Variants in DIPK2A observed in about 807,000 individuals in gnomAD.
DIPK2A encodes Golgi Protein of 49 kDa.
In DIPK2A, 27 loss-of-function variants were observed where a neutral mutation model predicts 39.0. The observed-to-expected ratio is 0.69, with a 90% CI of 0.51 to 0.96. The LOEUF is 0.96. Among genes scored for constraint, DIPK2A ranks in the 40% least tolerant of loss-of-function variants. The pLI, the probability that DIPK2A is intolerant of heterozygous loss-of-function variation, is 0.00. For missense variants in DIPK2A, 528 were observed against 571.3 expected (o/e 0.92, Z 0.77); for synonymous variants, 298 against 240.8 (o/e 1.24, Z -2.20).
intron 1 of DIPK2A, among the ~76,000 whole-genome samples, chr3:143,979,935 A>G (rs146078292): frequency 1.3e-5 from 2 of 152,218 alleles, no homozygotes; most frequent in African/African-American, 4.8e-5. Flanking sequence ...TAAATGGGAC[A>G]TATGCTAGGA....
At position 143,972,681 on chromosome 3, in the gene DIPK2A, G is replaced by A. The variant is rs745537687; in HGVS notation, c.349G>A (p.Glu117Lys). Reference protein sequence around the residue: ...VVLKRLGSQRELAQLDQSICK... With the variant: ...VVLKRLGSQRKLAQLDQSICK... Reference sequence around the variant, plus strand: ...GCTCAAGCGCCTCGGCTCGCAGCGCGAGCTGGCGCAGCTCGACCAGAGCAT... The same window carrying A: ...GCTCAAGCGCCTCGGCTCGCAGCGCAAGCTGGCGCAGCTCGACCAGAGCAT... Residue 117 changes from glutamate (E) to lysine (K), a missense_variant, in exon 1 of 3, where the codon GAG (glutamate) becomes AAG (lysine). Glu to Lys is a moderately conservative substitution (Grantham distance 56). This residue lies in a region of DIPK2A where 309 missense variants were observed against 289.8 expected (regional missense o/e 1.07). Coordinates refer to ENST00000315691, the MANE Select transcript of DIPK2A (RefSeq NM_173552.5). The A allele has an allele frequency of 3.7e-6, 6 of 1,608,080 alleles. No individual in the cohort carries two copies. The East Asian group carries it at 1.3e-4, about 36-fold the overall frequency.
Position 143,972,259 on chromosome 3 carries a change from A to T in DIPK2A, c.-74A>T. ...TCTCTCGCCCGGGGTTCCTGCCGGT[A>T]GCTCTCCGGGTCTTGGCGCGGCGGG... On this transcript the variant is annotated 5_prime_UTR_variant, in exon 1 of 3. Coordinates refer to ENST00000315691, the MANE Select transcript of DIPK2A (RefSeq NM_173552.5). The T allele has an allele frequency of 7.8e-7, 1 of 1,285,704 alleles. No individual in the cohort carries two copies. 79.6% of individuals were successfully genotyped at this position (1,285,704 alleles called of 1,614,324 possible). A position where few individuals can be genotyped will look rare whatever the true frequency, so the allele number is the denominator to read the frequency against.
chr3:143,986,416 T>G (rs2087899992), intron 2 of DIPK2A, among the ~76,000 whole-genome samples: 2 of 152,156 alleles, frequency 1.3e-5, no homozygotes. Context: ...ATGAGTAGTG[T>G]CTGAAGTGTT....
Position 143,972,222 on chromosome 3 carries a change from G to A in DIPK2A, c.-111G>A. ...TACTCCGCCCTCCGCCCCAGCCCGC[G>A]CGCTAGCTCCTTCTCTCGCCCGGGG... On this transcript the variant is annotated 5_prime_UTR_variant, in exon 1 of 3. Coordinates refer to ENST00000315691, the MANE Select transcript of DIPK2A (RefSeq NM_173552.5). 1 of 1,028,294 alleles carries A rather than the reference G, an allele frequency of 9.7e-7. No individual in the cohort carries two copies. Among genetic ancestry groups the A allele is most frequent in the South Asian group, 2.6e-5 (1 of 38,518 alleles). The allele number at this position is 1,028,294 out of a possible 1,614,324, so 63.7% of individuals were successfully genotyped here.
At chr3:143,977,649 G>C (rs997697251) in intron 1 of DIPK2A, among the ~76,000 whole-genome samples, 1 of 152,014 alleles carries the variant, frequency 6.6e-6, no homozygotes, top group Non-Finnish European at 1.5e-5. Flanking sequence ...TGTCTTCCTA[G>C]ATTTCGGCTT....
In DIPK2A at chr3:143,991,714, A is replaced by G. The variant is rs1266842210; in HGVS notation, c.*1873A>G. 1 of 152,424 alleles carries G rather than the reference A, an allele frequency of 6.6e-6. No homozygotes were observed. Among genetic ancestry groups the G allele is most frequent in the African/African-American group, 2.4e-5 (1 of 41,440 alleles). 9.4% of individuals were successfully genotyped at this position (152,424 alleles called of 1,614,324 possible). On this transcript the variant is annotated 3_prime_UTR_variant, in exon 3 of 3. Coordinates refer to ENST00000315691, the MANE Select transcript of DIPK2A (RefSeq NM_173552.5). The stretch of plus-strand genomic sequence containing the variant: ...AAACTGACTTTTTTGCAACTTTGGG[A>G]GATTTTTGAGGGGAGTGTTGAAAAT...
intron 1 of DIPK2A, among the ~76,000 whole-genome samples, chr3:143,975,185 T>C (rs2087711408): frequency 6.6e-6 from 1 of 152,104 alleles, no homozygotes; most frequent in South Asian, 2.1e-4. Flanking sequence ...CATTTTTAAT[T>C]TACACAACCC....
At chr3:143,981,303 A>G (rs2087825719) in intron 1 of DIPK2A, among the ~76,000 whole-genome samples, 1 of 152,182 alleles carries the variant, frequency 6.6e-6, no homozygotes, top group East Asian at 1.9e-4. Context: ...TGATGCTATA[A>G]AGACTGAGTT....
intron 1 of DIPK2A, among the ~76,000 whole-genome samples, chr3:143,982,653 T>G (rs1242722160): frequency 6.6e-6 from 1 of 152,080 alleles, no homozygotes; most frequent in Admixed American, 6.6e-5. Flanking sequence ...ACATACCAAT[T>G]GTAAAGATGA....
At chr3:143,981,761 G>T (rs2087832526) in intron 1 of DIPK2A, among the ~76,000 whole-genome samples, 1 of 152,104 alleles carries the variant, frequency 6.6e-6, no homozygotes, top group Non-Finnish European at 1.5e-5. Context: ...AAGGATATTG[G>T]CTTGAGGGAG....
chr3:143,983,474 A>G (rs1245278250), intron 1 of DIPK2A, among the ~76,000 whole-genome samples: 1 of 152,218 alleles, frequency 6.6e-6, no homozygotes, highest in African/African-American at 2.4e-5. Flanking sequence ...AAATGATAAA[A>G]TTAAGGCAGA....
chr3:143,973,441 G>T, intron 1 of DIPK2A: 1 of 1,551,228 alleles, frequency 6.4e-7, no homozygotes, highest in Non-Finnish European at 8.7e-7. Context: ...TCTGGCGCTG[G>T]TGGCTGGCCT....
intron 1 of DIPK2A, among the ~76,000 whole-genome samples, chr3:143,978,304 T>C (rs1025328305): frequency 6.6e-6 from 1 of 152,098 alleles, no homozygotes; most frequent in African/African-American, 2.4e-5. Context: ...ATACATTTGA[T>C]GAACTTTAGT....
chr3:143,984,058 C>T (rs1206072840), intron 1 of DIPK2A, among the ~76,000 whole-genome samples: 1 of 152,202 alleles, frequency 6.6e-6, no homozygotes, highest in African/African-American at 2.4e-5. Flanking sequence ...CATTAACCAG[C>T]CTCTGCTAGC....
intron 1 of DIPK2A, among the ~76,000 whole-genome samples, chr3:143,976,544 G>GTA (rs1339108371): frequency 2.1e-4 from 24 of 115,260 alleles, no homozygotes; most frequent in South Asian, 1.2e-3. Flanking sequence ...GTGTGTGTGT[G>GTA]TGTGTGTGTG....
At chr3:143,982,107 C>A (rs961539247) in intron 1 of DIPK2A, among the ~76,000 whole-genome samples, 12 of 152,252 alleles carry the variant, frequency 7.9e-5, no homozygotes, top group African/African-American at 2.9e-4. Context: ...AAGTTTCTTG[C>A]ATTTTTAGTG....
At position 143,972,830 on chromosome 3, in the gene DIPK2A, C is replaced by T. The variant is rs151261436; in HGVS notation, c.498C>T (p.Asp166=). 0.014 allele frequency: 21,372 copies of T among 1,566,240 alleles called. 167 individuals carry two copies. Among genetic ancestry groups the T allele is most frequent in the Non-Finnish European group, 0.016 (18,107 of 1,159,026 alleles). ...CCGAGGCGGTGGAGGGCTGGTCGGA[C>T]CTGGTGCACTGCCCCTCGCAGCGCC... ...LTPEAVEGWS[D]LVHCPSQRLL... Residue 166 remains aspartate (D), a synonymous_variant, in exon 1 of 3, where the codon GAC becomes GAT. Transcript: ENST00000315691.
rs186639258 is a variant in DIPK2A, at chr3:143,987,845, C to T, written c.962-1665C>T. 9.9e-5 allele frequency among the ~76,000 whole-genome samples: 15 copies of T among 152,270 alleles called. No individual in the cohort carries two copies. The East Asian group carries it at 1.5e-3, about 16-fold the overall frequency. ...TAGTCCATTAAAACCTGACGTAGAC[C>T]TCTGCCTTGCCATTAGCAACCACCT... On this transcript the variant is annotated intron_variant, in intron 2 of 2. Transcript: ENST00000315691.
chr3:143,988,968 T>C (rs1020467174), intron 2 of DIPK2A, among the ~76,000 whole-genome samples: 7 of 152,226 alleles, frequency 4.6e-5, no homozygotes, highest in Non-Finnish European at 1.0e-4. Context: ...TACGACCTAT[T>C]TTTCTAGCGT....
Sources: allele counts gnomAD v4.1 joint callset (sites outside exome capture counted in the v4.1 genomes callset), GRCh38; gene constraint gnomAD v4.1.1; regional missense constraint gnomAD v4.1.1; transcripts MANE v1.5; gene names NCBI Gene and HGNC (gene_info 2026-07-23, HGNC 2026-07-21).